Variants in CCL28 observed in about 807,000 individuals in gnomAD.
CCL28 encodes C-C motif chemokine ligand 28.
CCL28 carries 4 observed loss-of-function variants against 7.1 expected under a neutral mutation model. The ratio of observed to expected loss-of-function variants is 0.56; its 90% CI spans 0.28 to 1.29. CCL28 has a LOEUF of 1.29. Among genes scored for constraint, CCL28 ranks in the 50% most tolerant of loss-of-function variants. CCL28 has a pLI of 0.11. For missense variants in CCL28, 151 were observed against 163.4 expected, an observed-to-expected ratio of 0.92 and a Z score of 0.41; for synonymous variants, 55 against 57.8, an observed-to-expected ratio of 0.95 and a Z score of 0.22.
intron 1 of CCL28, among the ~76,000 whole-genome samples, chr5:43,405,718 T>C (rs993690011): frequency 6.6e-6 from 1 of 152,150 alleles, no homozygotes; most frequent in African/African-American, 2.4e-5. Context: ...GCTGGTTTTT[T>C]GAAAAGATCA....
chr5:43,407,618 GCAA>G (rs1389743817), intron 1 of CCL28, among the ~76,000 whole-genome samples: 2 of 152,186 alleles, frequency 1.3e-5, no homozygotes, highest in Non-Finnish European at 2.9e-5. Flanking sequence ...AAAAGCAATG[GCAA>G]CAATAGCCAA....
At chr5:43,358,875 T>A in the CCL28 span, among the ~76,000 whole-genome samples, 3 of 152,358 alleles carry the variant, frequency 2.0e-5, no homozygotes, top group East Asian at 5.8e-4. Flanking sequence ...AGGTCTAGCA[T>A]GACTGACTCT....
chr5:43,377,764 G>C (rs539392780), downstream of CCL28, among the ~76,000 whole-genome samples: 4 of 100,544 alleles, frequency 4.0e-5, no homozygotes, highest in East Asian at 5.8e-4. Context: ...ACGGAGTCTC[G>C]CTCTGTCGCC....
chr5:43,394,833 A>G (rs1740732244), intron 1 of CCL28, among the ~76,000 whole-genome samples: 1 of 152,078 alleles, frequency 6.6e-6, no homozygotes, highest in Non-Finnish European at 1.5e-5. Flanking sequence ...AAAGTTTTAA[A>G]TTGCTGCGGT....
At chr5:43,358,295 T>A in the CCL28 span, among the ~76,000 whole-genome samples, 1 of 152,192 alleles carries the variant, frequency 6.6e-6, no homozygotes, top group African/African-American at 2.4e-5. Flanking sequence ...AGAATGAGTG[T>A]TGCCATGAGC....
chr5:43,368,363 C>A, the CCL28 span, among the ~76,000 whole-genome samples: 1 of 152,180 alleles, frequency 6.6e-6, no homozygotes, highest in African/African-American at 2.4e-5. Flanking sequence ...AAAACAACAA[C>A]AGTTTTGGCT....
At position 43,382,038 on chromosome 5, in the gene CCL28, C is replaced by A. The variant is rs202209667; in HGVS notation, c.206G>T (p.Arg69Leu). 12 of 1,609,620 alleles carry A rather than the reference C, an allele frequency of 7.5e-6. No homozygotes were observed. The East Asian group carries it at 1.6e-4, about 21-fold the overall frequency. The change falls in exon 3 of 3, where the codon CGC (arginine) becomes CTC (leucine). Residue 69 changes from arginine (R) to leucine (L), a missense_variant. Transcript: ENST00000361115. Reference sequence around the variant, plus strand: ...GTGCGGGCTGACACAGATTCTTCTGCGCTTGACATGAAGGCTGTTAGAAAA... The same window carrying A: ...GTGCGGGCTGACACAGATTCTTCTGAGCTTGACATGAAGGCTGTTAGAAAA... Reference protein sequence around the residue: ...DLAAVILHVKRRRICVSPHNH... With the variant: ...DLAAVILHVKLRRICVSPHNH...
At chr5:43,370,917 T>C in the CCL28 span, among the ~76,000 whole-genome samples, 1 of 152,064 alleles carries the variant, frequency 6.6e-6, no homozygotes, top group Non-Finnish European at 1.5e-5. Flanking sequence ...AATTTTTGTA[T>C]TTTTAGTAGA....
downstream of CCL28, among the ~76,000 whole-genome samples, chr5:43,375,481 A>T (rs1260871330): frequency 1.3e-5 from 2 of 148,962 alleles, no homozygotes; most frequent in Admixed American, 1.3e-4. Context: ...AAAAAAAAAA[A>T]AAAAGCCATT....
At chr5:43,405,144 C>T (rs751751865) in intron 1 of CCL28, among the ~76,000 whole-genome samples, 12 of 152,162 alleles carry the variant, frequency 7.9e-5, no homozygotes, top group Non-Finnish European at 1.5e-4. Flanking sequence ...CACAGATGTG[C>T]ACCAAGCAGA....
chr5:43,412,211 C>A, intron 1 of CCL28, 42 bp downstream of exon 1: 3 of 1,543,464 alleles, frequency 1.9e-6, no homozygotes, highest in Admixed American at 1.7e-5. Context: ...GGAGATACCC[C>A]CCTTTCCAGT....
chr5:43,385,176 C>T (rs1050489342), intron 2 of CCL28, among the ~76,000 whole-genome samples: 2 of 152,272 alleles, frequency 1.3e-5, no homozygotes, highest in East Asian at 1.9e-4. Context: ...GGATTACAGG[C>T]GTGAGCCACC....
chr5:43,388,319 G>C, intron 2 of CCL28, 31 bp downstream of exon 2: 1 of 1,613,320 alleles, frequency 6.2e-7, no homozygotes, highest in Non-Finnish European at 8.5e-7. Context: ...TCACTGTGCA[G>C]GTTTAGACCT....
chr5:43,366,367 T>C, the CCL28 span, among the ~76,000 whole-genome samples: 1 of 152,236 alleles, frequency 6.6e-6, no homozygotes, highest in African/African-American at 2.4e-5. Context: ...GTCCTTTTTG[T>C]TGATGTTGAT....
the CCL28 span, among the ~76,000 whole-genome samples, chr5:43,368,905 G>T: frequency 6.7e-6 from 1 of 149,942 alleles, no homozygotes; most frequent in Non-Finnish European, 1.5e-5. Context: ...ATAAATTTCT[G>T]TTGTTAAGCC....
At chr5:43,403,885 C>A (rs920054282) in intron 1 of CCL28, among the ~76,000 whole-genome samples, 1 of 151,956 alleles carries the variant, frequency 6.6e-6, no homozygotes, top group African/African-American at 2.4e-5. Context: ...GTAGCCGATT[C>A]GACCAACTGG....
At chr5:43,400,239 G>C (rs568215023) in intron 1 of CCL28, among the ~76,000 whole-genome samples, 2 of 152,212 alleles carry the variant, frequency 1.3e-5, no homozygotes, top group East Asian at 3.9e-4. Flanking sequence ...GTGAGTCCCT[G>C]TTTTGGTTCT....
the CCL28 span, among the ~76,000 whole-genome samples, chr5:43,367,957 T>C: frequency 1.3e-5 from 2 of 152,190 alleles, no homozygotes; most frequent in South Asian, 4.1e-4. Flanking sequence ...TGCCATGAAG[T>C]TAAGCAATAC....
chr5:43,360,786 A>T, the CCL28 span, among the ~76,000 whole-genome samples: 6 of 151,742 alleles, frequency 4.0e-5, no homozygotes. Context: ...TTTCTTGTAA[A>T]TTTGTTTGTT....
Sources: gnomAD v4.1 joint callset for allele counts (sites outside exome capture counted in the v4.1 genomes callset) on GRCh38, gnomAD v4.1.1 for gene constraint, MANE v1.5 for transcripts, NCBI Gene and HGNC (gene_info 2026-07-23, HGNC 2026-07-21) for gene names.